ABTB3: variants seen among roughly 807,000 people sequenced by gnomAD.
ABTB3 encodes the protein ankyrin repeat- and BTB/POZ domain-containing protein 3.
chr12:107,513,357 G>A, the ABTB3 span, among the ~76,000 whole-genome samples: 3 of 152,088 alleles, frequency 2.0e-5, no homozygotes, highest in African/African-American at 7.2e-5. Context: ...TGTCAAGGGC[G>A]GGAGCAGGTG....
At chr12:107,599,988 C>T in the ABTB3 span, among the ~76,000 whole-genome samples, 5 of 152,126 alleles carry the variant, frequency 3.3e-5, no homozygotes, top group Non-Finnish European at 7.4e-5. Context: ...TATGGGCATT[C>T]ACCCACAAAC....
the ABTB3 span, among the ~76,000 whole-genome samples, chr12:107,517,826 C>A: frequency 6.6e-6 from 1 of 151,652 alleles, no homozygotes; most frequent in African/African-American, 2.4e-5. Context: ...AGTGAACAGG[C>A]AAACTACAGA....
chr12:107,471,062 G>A, the ABTB3 span, among the ~76,000 whole-genome samples: 75 of 152,330 alleles, frequency 4.9e-4, 1 homozygote, highest in African/African-American at 1.6e-3. Context: ...AAATTGCTGC[G>A]TGGCTTGATG....
the ABTB3 span, among the ~76,000 whole-genome samples, chr12:107,347,120 C>T: frequency 2.6e-5 from 4 of 152,158 alleles, no homozygotes; most frequent in African/African-American, 4.8e-5. Flanking sequence ...ACATGGGCCA[C>T]GGAGTAGCTT....
chr12:107,638,766 G>A, the ABTB3 span, among the ~76,000 whole-genome samples: 41 of 152,162 alleles, frequency 2.7e-4, no homozygotes, highest in Non-Finnish European at 4.7e-4. Context: ...CTCTGTGATG[G>A]AGTATAATGG....
chr12:107,470,026 C>CTT, the ABTB3 span, among the ~76,000 whole-genome samples: 2 of 138,366 alleles, frequency 1.4e-5, no homozygotes, highest in African/African-American at 5.5e-5. Flanking sequence ...CTCTCTCTCT[C>CTT]TCTCTCTCTT....
At chr12:107,338,001 A>G in the ABTB3 span, among the ~76,000 whole-genome samples, 21 of 152,196 alleles carry the variant, frequency 1.4e-4, no homozygotes, top group Non-Finnish European at 2.5e-4. Context: ...GTGTAATGGG[A>G]AAAGGACATG....
At chr12:107,413,794 A>G in the ABTB3 span, among the ~76,000 whole-genome samples, 7 of 152,212 alleles carry the variant, frequency 4.6e-5, no homozygotes, top group Non-Finnish European at 1.0e-4. Flanking sequence ...TCTTAGGGGC[A>G]GGACTCAGGA....
the ABTB3 span, among the ~76,000 whole-genome samples, chr12:107,624,654 G>A: frequency 6.6e-6 from 1 of 152,228 alleles, no homozygotes; most frequent in Non-Finnish European, 1.5e-5. Context: ...GTTGTTGCAT[G>A]TATCCGCAGC....
chr12:107,388,299 C>G, the ABTB3 span, among the ~76,000 whole-genome samples: 21 of 151,388 alleles, frequency 1.4e-4, no homozygotes, highest in African/African-American at 5.1e-4. Context: ...CCTTCTCTGC[C>G]TTCTCTTTCC....
chr12:107,612,288 A>G, the ABTB3 span, among the ~76,000 whole-genome samples: 2 of 152,234 alleles, frequency 1.3e-5, no homozygotes, highest in East Asian at 3.8e-4. Flanking sequence ...ATGTCAAACC[A>G]GATGTCAATG....
chr12:107,515,978 G>T, the ABTB3 span, among the ~76,000 whole-genome samples: 1 of 151,642 alleles, frequency 6.6e-6, no homozygotes, highest in African/African-American at 2.4e-5. Context: ...ATGTAGTAAG[G>T]GTCACTGTTA....
the ABTB3 span, among the ~76,000 whole-genome samples, chr12:107,490,132 C>G: frequency 6.6e-6 from 1 of 152,310 alleles, no homozygotes; most frequent in Admixed American, 6.5e-5. Context: ...GGTGCCTTGA[C>G]ATGACTGAGA....
chr12:107,512,629 T>A, the ABTB3 span, among the ~76,000 whole-genome samples: 2 of 152,258 alleles, frequency 1.3e-5, no homozygotes, highest in Non-Finnish European at 2.9e-5. Flanking sequence ...AGGGATTGAG[T>A]AACCAAGAAG....
At chr12:107,538,338 G>A in the ABTB3 span, among the ~76,000 whole-genome samples, 1 of 152,198 alleles carries the variant, frequency 6.6e-6, no homozygotes, top group Non-Finnish European at 1.5e-5. Context: ...AGATGCATAT[G>A]CTAGCAGGAC....
chr12:107,643,466 C>T, the ABTB3 span, among the ~76,000 whole-genome samples: 4 of 151,638 alleles, frequency 2.6e-5, no homozygotes, highest in African/African-American at 4.8e-5. Flanking sequence ...AGCTGTCCCC[C>T]TGAGGTCAGG....
chr12:107,600,615 T>C, the ABTB3 span, among the ~76,000 whole-genome samples: 1 of 152,234 alleles, frequency 6.6e-6, no homozygotes, highest in Non-Finnish European at 1.5e-5. Context: ...CACCTCAGTC[T>C]GCACCTTCCA....
chr12:107,463,748 TCTC>T, the ABTB3 span, among the ~76,000 whole-genome samples: 1 of 152,200 alleles, frequency 6.6e-6, no homozygotes, highest in African/African-American at 2.4e-5. Flanking sequence ...TCTCATTTAA[TCTC>T]CTCAGCACTC....
the ABTB3 span, among the ~76,000 whole-genome samples, chr12:107,543,097 A>G: frequency 6.6e-6 from 1 of 152,150 alleles, no homozygotes; most frequent in South Asian, 2.1e-4. Flanking sequence ...GCACTTTGGG[A>G]GGCAGAGGCA....
Sources: gnomAD v4.1 joint callset for allele counts (sites outside exome capture counted in the v4.1 genomes callset) on GRCh38, gnomAD v4.1.1 for gene constraint, MANE v1.5 for transcripts, NCBI Gene and HGNC (gene_info 2026-07-23, HGNC 2026-07-21) for gene names.